The following CNST variants were observed in gnomAD, a reference collection of about 807,000 sequenced individuals.
The protein encoded by CNST is consortin, connexin sorting protein, also known as consortin.
CNST carries 39 observed loss-of-function variants against 72.4 expected under a neutral mutation model. That is an observed-to-expected ratio of 0.54 (90% CI 0.42 to 0.70). The LOEUF (loss-of-function observed/expected upper bound fraction) is 0.70. Among genes scored for constraint, CNST ranks in the 30% least tolerant of loss-of-function variants. CNST has a pLI of 0.00. For missense variants in CNST, 871 were observed against 868.5 expected (o/e 1.00, Z -0.04); for synonymous variants, 332 against 320.1 (o/e 1.04, Z -0.40).
intron 1 of CNST, among the ~76,000 whole-genome samples, chr1:246,571,359 A>G (rs1207799587): frequency 6.6e-6 from 1 of 152,218 alleles, no homozygotes; most frequent in African/African-American, 2.4e-5. Flanking sequence ...TATGTTGGCC[A>G]GGCTGGTTTC....
At chr1:246,572,964 G>A (rs1660159075) in intron 1 of CNST, among the ~76,000 whole-genome samples, 1 of 152,076 alleles carries the variant, frequency 6.6e-6, no homozygotes, top group South Asian at 2.1e-4. Flanking sequence ...ATCTTACAAG[G>A]ATTCATGTAA....
At chr1:246,660,587 T>G (rs374649128) in intron 10 of CNST, among the ~76,000 whole-genome samples, 3 of 151,994 alleles carry the variant, frequency 2.0e-5, no homozygotes, top group East Asian at 3.9e-4. Context: ...TTAGCGAGTG[T>G]GGGGGTACGC....
intron 9 of CNST, among the ~76,000 whole-genome samples, chr1:246,658,728 C>G (rs534391809): frequency 2.0e-5 from 2 of 102,476 alleles, no homozygotes; most frequent in Admixed American, 2.1e-4. Context: ...GTCACTGATG[C>G]CAGCAAGTCA....
chr1:246,595,090 C>T (rs551896433), intron 2 of CNST, among the ~76,000 whole-genome samples: 1 of 152,222 alleles, frequency 6.6e-6, no homozygotes, highest in Non-Finnish European at 1.5e-5. Flanking sequence ...CTCCTGTCTG[C>T]CCGGGCTGGC....
rs544068169 is a variant in CNST, at chr1:246,626,120, G to A, written c.585+4486G>A. ...GCTGGAGTGCAGTGGCATCATCACG[G>A]CTCACTGCAGCCTCCACCTCACGGG... On this transcript the variant is annotated intron_variant, in intron 3 of 10. Coordinates refer to ENST00000366513, the MANE Select transcript of CNST (RefSeq NM_152609.3). Among the ~76,000 whole-genome samples the A allele has an allele frequency of 4.6e-5, 7 of 151,754 alleles. No individual in the cohort carries two copies. The East Asian group carries it at 1.4e-3, about 30-fold the overall frequency.
At chr1:246,650,234 A>G (rs1041360535) in intron 9 of CNST, among the ~76,000 whole-genome samples, 13 of 152,124 alleles carry the variant, frequency 8.5e-5, no homozygotes, top group African/African-American at 3.1e-4. Context: ...GGTAACAGCT[A>G]ACAGTGGAAA....
chr1:246,618,790 G>A (rs996871652), intron 2 of CNST, among the ~76,000 whole-genome samples: 3 of 152,128 alleles, frequency 2.0e-5, no homozygotes, highest in African/African-American at 7.2e-5. Flanking sequence ...GATCAAGCAG[G>A]AAACTTGACC....
intron 2 of CNST, among the ~76,000 whole-genome samples, chr1:246,617,998 G>T (rs1004683574): frequency 2.0e-5 from 3 of 152,156 alleles, no homozygotes; most frequent in Admixed American, 2.0e-4. Context: ...CAGTTTTCTT[G>T]CCTGAAAAGC....
chr1:246,582,240 C>A (rs1279957212), intron 1 of CNST, among the ~76,000 whole-genome samples: 1 of 152,170 alleles, frequency 6.6e-6, no homozygotes, highest in Non-Finnish European at 1.5e-5. Flanking sequence ...CTATCTCTCA[C>A]CATCTGTTAC....
chr1:246,601,841 G>C (rs951258748), intron 2 of CNST, among the ~76,000 whole-genome samples: 1 of 152,120 alleles, frequency 6.6e-6, no homozygotes, highest in Admixed American at 6.5e-5. Context: ...TATTGCAAGG[G>C]TGTATAGTCT....
chr1:246,572,344 A>G (rs1429765323), intron 1 of CNST, among the ~76,000 whole-genome samples: 1 of 152,226 alleles, frequency 6.6e-6, no homozygotes, highest in Non-Finnish European at 1.5e-5. Flanking sequence ...GCTGTCCTTG[A>G]GTATTTGATA....
At chr1:246,585,664 TATACACACACACACACACAC>T (rs1661109506) in intron 1 of CNST, among the ~76,000 whole-genome samples, 8 of 39,626 alleles carry the variant, frequency 2.0e-4, no homozygotes, top group East Asian at 1.7e-3. Context: ...AAAAAAAAAA[TATACACACACACACACACAC>T]ACACACACAC....
intron 1 of CNST, among the ~76,000 whole-genome samples, chr1:246,585,662 A>T (rs866721752): frequency 0.11 from 6,624 of 57,648 alleles, 867 homozygotes; most frequent in African/African-American, 0.38. Context: ...AAAAAAAAAA[A>T]ATATACACAC....
chr1:246,666,168 T>A lies in CNST; in HGVS notation c.*263T>A. 2.3e-6 allele frequency: 1 copy of A among 427,908 alleles called. No individual in the cohort carries two copies. Among genetic ancestry groups the A allele is most frequent in the Non-Finnish European group, 4.3e-6 (1 of 235,280 alleles). 26.5% of individuals were successfully genotyped at this position (427,908 alleles called of 1,614,324 possible). A position where few individuals can be genotyped will look rare whatever the true frequency, so the allele number is the denominator to read the frequency against. ...CCATCTCCTCCTCACTGCCTCCTAATGTCATGAGGTACACTGAGCAGAATT... is the reference window on the plus strand; with the variant it reads ...CCATCTCCTCCTCACTGCCTCCTAAAGTCATGAGGTACACTGAGCAGAATT... On this transcript the variant is annotated 3_prime_UTR_variant, in exon 11 of 11. Transcript: ENST00000366513.
At chr1:246,661,221 C>T (rs1667087868) in intron 10 of CNST, among the ~76,000 whole-genome samples, 1 of 152,112 alleles carries the variant, frequency 6.6e-6, no homozygotes, top group South Asian at 2.1e-4. Flanking sequence ...TAGGATCTGC[C>T]TGCCTTGGCC....
chr1:246,586,244 GATATAT>G, intron 1 of CNST, among the ~76,000 whole-genome samples: 1 of 144,382 alleles, frequency 6.9e-6, no homozygotes, highest in Middle Eastern at 3.8e-3. Flanking sequence ...TATTATATCT[GATATAT>G]ATTATATATA....
chr1:246,612,623 G>C (rs370542246), intron 2 of CNST, among the ~76,000 whole-genome samples: 2 of 152,104 alleles, frequency 1.3e-5, no homozygotes, highest in Non-Finnish European at 2.9e-5. Context: ...GCAGTGGTTC[G>C]ATCCAATAAT....
chr1:246,655,484 A>G (rs1422194979), intron 9 of CNST, among the ~76,000 whole-genome samples: 4 of 152,170 alleles, frequency 2.6e-5, no homozygotes, highest in Admixed American at 2.6e-4. Context: ...AGATTAATCA[A>G]ATGACACAAA....
intron 6 of CNST, 117 bp from the exon 7 acceptor site, chr1:246,641,632 T>C: frequency 1.5e-6 from 1 of 656,186 alleles, no homozygotes; most frequent in Non-Finnish European, 2.7e-6. Flanking sequence ...TGTTCTGTGC[T>C]AATATTAGAA....
Sources: allele counts gnomAD v4.1 joint callset (sites outside exome capture counted in the v4.1 genomes callset), GRCh38; gene constraint gnomAD v4.1.1; transcripts MANE v1.5; gene names NCBI Gene and HGNC (gene_info 2026-07-23, HGNC 2026-07-21).